Variants in FOXP2 observed in about 807,000 individuals in gnomAD.
The protein encoded by FOXP2 is forkhead box protein P2.
In FOXP2, 12 loss-of-function variants were observed where a neutral mutation model predicts 115.8. The ratio of observed to expected loss-of-function variants is 0.10; its 90% CI spans 0.07 to 0.17. FOXP2 has a LOEUF of 0.17. Ranked by LOEUF, FOXP2 falls within the 10% of genes least tolerant of loss-of-function variation. The probability of loss-of-function intolerance (pLI) is 1.00; values close to 1 mark genes in which losing one functional copy is unlikely to be tolerated. For synonymous variants in FOXP2, 328 were observed against 297.7 expected (o/e 1.10, Z -1.05); for missense variants, 629 against 843.5 (o/e 0.75, Z 3.15).
At chr7:114,271,606 A>G (rs1478916122) in intron 1 of FOXP2, among the ~76,000 whole-genome samples, 4 of 123,908 alleles carry the variant, frequency 3.2e-5, no homozygotes, top group African/African-American at 1.2e-4. Context: ...TATAATATTA[A>G]TATATAATAA....
intron 1 of FOXP2, among the ~76,000 whole-genome samples, chr7:114,091,601 G>A (rs1383188307): frequency 1.3e-5 from 2 of 151,714 alleles, no homozygotes; most frequent in Non-Finnish European, 3.0e-5. Context: ...AAAGTACACT[G>A]ACATCACCTC....
At chr7:114,360,326 C>A (rs1266284585) in intron 2 of FOXP2, among the ~76,000 whole-genome samples, 1 of 152,102 alleles carries the variant, frequency 6.6e-6, no homozygotes, top group East Asian at 1.9e-4. Flanking sequence ...GGTGTTTCTT[C>A]ATAGCAGTAA....
chr7:114,630,001 A>C lies in FOXP2; in HGVS notation c.593A>C (p.Lys198Thr). The change falls in exon 5 of 17, where the codon AAA becomes ACA. Residue 198 changes from lysine to threonine, a missense_variant. By Grantham distance (78) the Lys-to-Thr change is moderately conservative. Coordinates refer to ENST00000350908, the MANE Select transcript of FOXP2 (RefSeq NM_014491.4). ...QQQQHPGKQA[K>T]EQQQQQQQQQ... ...CAACAGCATCCTGGAAAGCAAGCGA[A>C]AGAGGTAGGATCCGGTTATCTCATT... 15 of 1,611,118 alleles carry C rather than the reference A, an allele frequency of 9.3e-6. No homozygotes were observed. Among genetic ancestry groups the C allele is most frequent in the Non-Finnish European group, 1.3e-5 (15 of 1,179,952 alleles).
chr7:114,363,822 G>A (rs1338175656), intron 2 of FOXP2, among the ~76,000 whole-genome samples: 2 of 151,754 alleles, frequency 1.3e-5, no homozygotes, highest in Non-Finnish European at 2.9e-5. Context: ...GTGTATATAT[G>A]TGTATTTAAA....
At chr7:114,447,863 G>A (rs778297016) in intron 2 of FOXP2, among the ~76,000 whole-genome samples, 2 of 152,108 alleles carry the variant, frequency 1.3e-5, no homozygotes, top group Non-Finnish European at 2.9e-5. Context: ...TTTTGAATAT[G>A]GTAGATGCAG....
At chr7:114,653,642 G>A (rs1044925199) in intron 9 of FOXP2, among the ~76,000 whole-genome samples, 2 of 152,130 alleles carry the variant, frequency 1.3e-5, no homozygotes, top group African/African-American at 2.4e-5. Flanking sequence ...TATGGTTTCA[G>A]TAACTTGTTA....
intron 3 of FOXP2, among the ~76,000 whole-genome samples, chr7:114,542,574 G>A (rs1195538960): frequency 1.3e-5 from 2 of 152,040 alleles, no homozygotes; most frequent in East Asian, 3.9e-4. Flanking sequence ...TGGCTTCATT[G>A]TTCCTTAATC....
chr7:114,510,600 G>A (rs1798021730), intron 2 of FOXP2, among the ~76,000 whole-genome samples: 3 of 152,082 alleles, frequency 2.0e-5, no homozygotes, highest in Non-Finnish European at 2.9e-5. Context: ...TGAACCAAAT[G>A]GATATAAAGA....
At chr7:114,418,662 T>C (rs1227270736) in intron 1 of FOXP2, among the ~76,000 whole-genome samples, 1 of 142,634 alleles carries the variant, frequency 7.0e-6, no homozygotes. Context: ...TGGTGATGAT[T>C]GAAGCTGTGG....
chr7:114,259,195 G>T (rs1416392323), intron 1 of FOXP2, among the ~76,000 whole-genome samples: 5 of 152,080 alleles, frequency 3.3e-5, no homozygotes, highest in African/African-American at 1.2e-4. Flanking sequence ...TACAAATGAG[G>T]TGCAAAAGTT....
At chr7:114,310,037 C>A (rs1797109394) in intron 2 of FOXP2, among the ~76,000 whole-genome samples, 1 of 152,018 alleles carries the variant, frequency 6.6e-6, no homozygotes, top group South Asian at 2.1e-4. Context: ...TGTCAACAGT[C>A]CAAGATATAG....
At chr7:114,203,188 A>G (rs1276489155) in intron 1 of FOXP2, among the ~76,000 whole-genome samples, 1 of 152,246 alleles carries the variant, frequency 6.6e-6, no homozygotes, top group African/African-American at 2.4e-5. Context: ...TCATCTATAA[A>G]CAATGACAAC....
chr7:114,308,053 T>C (rs1330990929), intron 2 of FOXP2, among the ~76,000 whole-genome samples: 1 of 152,118 alleles, frequency 6.6e-6, no homozygotes, highest in African/African-American at 2.4e-5. Context: ...TGTTTTCACT[T>C]AGTGCCGGGA....
intron 2 of FOXP2, among the ~76,000 whole-genome samples, chr7:114,353,737 T>C (rs1206813459): frequency 6.6e-6 from 1 of 152,108 alleles, no homozygotes; most frequent in Non-Finnish European, 1.5e-5. Context: ...CTCTCTACTG[T>C]CATCTACTGA....
chr7:114,105,979 A>G (rs189412723), intron 1 of FOXP2, among the ~76,000 whole-genome samples: 290 of 152,206 alleles, frequency 1.9e-3, no homozygotes, highest in African/African-American at 6.6e-3. Context: ...CTGCCTGGAA[A>G]GCAGAAACGA....
Position 114,663,460 on chromosome 7 carries a change from T to G in FOXP2, c.1780T>G (p.Leu594Val), listed in dbSNP as rs1269264458. 6.2e-7 allele frequency: 1 copy of G among 1,607,940 alleles called. No individual in the cohort carries two copies. Among genetic ancestry groups the G allele is most frequent in the South Asian group, 1.1e-5 (1 of 90,702 alleles). The change falls in exon 15 of 17, where the codon TTA becomes GTA. Residue 594 changes from leucine (L) to valine (V), a missense_variant. Transcript: ENST00000350908. ...RSQKITGSPT[L>V]VKNIPTSLGY... ...TATTTTTTTTTTCAGAAGTCCAACC[T>G]TAGTAAAAAATATACCTACCAGTTT...
chr7:114,583,732 G>A (rs1801983267), intron 3 of FOXP2, among the ~76,000 whole-genome samples: 1 of 152,168 alleles, frequency 6.6e-6, no homozygotes, highest in Non-Finnish European at 1.5e-5. Context: ...GGTGACTTTT[G>A]ATTGAGAGTA....
At chr7:114,517,385 G>A (rs997206615) in intron 2 of FOXP2, among the ~76,000 whole-genome samples, 1 of 152,076 alleles carries the variant, frequency 6.6e-6, no homozygotes, top group African/African-American at 2.4e-5. Flanking sequence ...TATTGCCTGT[G>A]TTTTGGGGCT....
rs1808739533 is a variant in FOXP2 at position 114,692,819 on chromosome 7, CTGTTT to C, written c.*2895_*2899del. 2.2e-6 allele frequency: 1 copy of C among 449,206 alleles called. No homozygotes were observed. Among genetic ancestry groups the C allele is most frequent in the African/African-American group, 2.0e-5 (1 of 49,656 alleles). The allele number at this position is 449,206 out of a possible 1,614,324, so 27.8% of individuals were successfully genotyped here. A position where few individuals can be genotyped will look rare whatever the true frequency, so the allele number is the denominator to read the frequency against. On this transcript the variant is annotated 3_prime_UTR_variant, in exon 17 of 17. Coordinates refer to ENST00000350908, the MANE Select transcript of FOXP2 (RefSeq NM_014491.4). Reference sequence around the variant, plus strand: ...CTGTTTATGTATTGGTGGAATATACCTGTTTTATTTATCTTTTTTGAGGTAAACTA... The same window carrying C: ...CTGTTTATGTATTGGTGGAATATACCTATTTATCTTTTTTGAGGTAAACTA...
Sources: gnomAD v4.1 joint callset for allele counts (sites outside exome capture counted in the v4.1 genomes callset) on GRCh38, gnomAD v4.1.1 for gene constraint, MANE v1.5 for transcripts, NCBI Gene and HGNC (gene_info 2026-07-23, HGNC 2026-07-21) for gene names.